The following DRAXIN variants were observed in gnomAD, a reference collection of about 807,000 sequenced individuals.
The protein encoded by DRAXIN is dorsal inhibitory axon guidance protein.
Under a neutral mutation model 33.9 loss-of-function variants are expected in DRAXIN, and 27 were observed. That is an observed-to-expected ratio of 0.80 (90% CI 0.59 to 1.10). The LOEUF (loss-of-function observed/expected upper bound fraction) is 1.10. Among genes scored for constraint, DRAXIN ranks in the 50% least tolerant of loss-of-function variants. The probability of loss-of-function intolerance (pLI) is 0.00; values close to 1 mark genes in which losing one functional copy is unlikely to be tolerated. For missense variants in DRAXIN, 371 were observed against 460.8 expected (o/e 0.81, Z 1.78); for synonymous variants, 178 against 194.0 (o/e 0.92, Z 0.69).
rs1348449530 is a variant in DRAXIN at position 11,706,056 on chromosome 1, G to A, written c.-10-193G>A. ...TGTCGGGCGTTTAGCAGCATCCACG[G>A]GCTCCAACCTCTACCTGCCAGTAGC... On this transcript the variant is annotated intron_variant, in intron 1 of 6. Coordinates refer to ENST00000294485, the MANE Select transcript of DRAXIN (RefSeq NM_198545.4). The surrounding 1 kb of genome is among the most constrained non-coding windows in gnomAD (Gnocchi z 5.5). Among the ~76,000 whole-genome samples the A allele has an allele frequency of 6.6e-6, 1 of 152,132 alleles. No homozygotes were observed. Among genetic ancestry groups the A allele is most frequent in the East Asian group, 1.9e-4 (1 of 5,200 alleles).
At chr1:11,702,311 C>T (rs1432324610) in intron 1 of DRAXIN, among the ~76,000 whole-genome samples, 1 of 151,432 alleles carries the variant, frequency 6.6e-6, no homozygotes, top group African/African-American at 2.4e-5. Context: ...ACAGCACACA[C>T]ACACGCTCAC....
At chr1:11,715,635 G>C (rs997912520) in intron 6 of DRAXIN, among the ~76,000 whole-genome samples, 1 of 151,044 alleles carries the variant, frequency 6.6e-6, no homozygotes, top group Non-Finnish European at 1.5e-5. Flanking sequence ...GTGGGGGTGG[G>C]TTTCCCAGCA....
upstream of DRAXIN, among the ~76,000 whole-genome samples, chr1:11,690,450 A>C (rs1303918228): frequency 2.6e-5 from 4 of 152,178 alleles, no homozygotes; most frequent in East Asian, 7.7e-4. The surrounding 1 kb of genome is among the most constrained non-coding windows in gnomAD (Gnocchi z 4.2). Context: ...AGGGCACTGC[A>C]TTCACGCCTA....
At chr1:11,695,613 T>C (rs201372640) in intron 1 of DRAXIN, among the ~76,000 whole-genome samples, 1 of 104,282 alleles carries the variant, frequency 9.6e-6, no homozygotes, top group African/African-American at 3.6e-5. Context: ...AAAAAAAAAA[T>C]ATATATATAT....
rs1641091065 is a variant in DRAXIN, at chr1:11,692,441, G to A, written c.-11+588G>A. The stretch of plus-strand genomic sequence containing the variant: ...CCAGCACCGCCGGTGGCCCCGCGCC[G>A]TCCCATCTGTGCCCAGGAAGGTACT... On this transcript the variant is annotated intron_variant, in intron 1 of 6. Transcript: ENST00000294485. The surrounding 1 kb of genome is among the most constrained non-coding windows in gnomAD (Gnocchi z 5.8). Among the ~76,000 whole-genome samples, 1 of 152,190 alleles carries A rather than the reference G, an allele frequency of 6.6e-6. No individual in the cohort carries two copies. Among genetic ancestry groups the A allele is most frequent in the South Asian group, 2.1e-4 (1 of 4,830 alleles).
rs1641732966 is a variant in DRAXIN at position 11,725,498 on chromosome 1, A to G, written c.*5802A>G. Reference sequence around the variant, plus strand: ...CTAGGATACGACGGGGAAAACAGAAATGTGGGGTGGTCAGGGACATTCGGA... The same window carrying G: ...CTAGGATACGACGGGGAAAACAGAAGTGTGGGGTGGTCAGGGACATTCGGA... On this transcript the variant is annotated 3_prime_UTR_variant, in exon 7 of 7. Transcript: ENST00000294485. 1 of 152,180 alleles carries G rather than the reference A, an allele frequency of 6.6e-6. No homozygotes were observed. The highest frequency in any genetic ancestry group is 2.4e-5 in the African/African-American group (1 of 41,446). 9.4% of individuals were successfully genotyped at this position (152,180 alleles called of 1,614,324 possible). A position where few individuals can be genotyped will look rare whatever the true frequency, so the allele number is the denominator to read the frequency against.
chr1:11,687,681 T>A (rs1305752522), upstream of DRAXIN, among the ~76,000 whole-genome samples: 1 of 152,248 alleles, frequency 6.6e-6, no homozygotes, highest in Non-Finnish European at 1.5e-5. This position sits in a 1 kb window ranked among gnomAD's most constrained non-coding sequence, Gnocchi z 4.1. Context: ...TGACCTGGAC[T>A]TGCCAATACG....
At chr1:11,700,644 G>T (rs765276284) in intron 1 of DRAXIN, among the ~76,000 whole-genome samples, 68 of 152,242 alleles carry the variant, frequency 4.5e-4, no homozygotes, top group Non-Finnish European at 9.3e-4. Flanking sequence ...ACAGTCGCAC[G>T]AATTTGTCGC....
At chr1:11,690,256 T>C (rs574929261), upstream of DRAXIN, among the ~76,000 whole-genome samples, 1 of 152,240 alleles carries the variant, frequency 6.6e-6, no homozygotes, top group South Asian at 2.1e-4. The surrounding 1 kb of genome is among the most constrained non-coding windows in gnomAD (Gnocchi z 4.2). Context: ...TGCCGGCACA[T>C]AGTAGGTGTT....
intron 1 of DRAXIN, among the ~76,000 whole-genome samples, chr1:11,702,069 C>T (rs1259751340): frequency 6.9e-6 from 1 of 145,800 alleles, no homozygotes; most frequent in East Asian, 2.0e-4. Flanking sequence ...CACACATACG[C>T]TCACACATGC....
At chr1:11,712,029 A>G (rs1487662007) in intron 4 of DRAXIN, 64 bp downstream of exon 4, 2 of 1,510,968 alleles carry the variant, frequency 1.3e-6, no homozygotes, top group Non-Finnish European at 1.8e-6. Flanking sequence ...CCATCTGTTG[A>G]GGTGGGGGCC....
chr1:11,719,339 G>T (rs934769628), intron 6 of DRAXIN, among the ~76,000 whole-genome samples: 1 of 152,208 alleles, frequency 6.6e-6, no homozygotes, highest in Non-Finnish European at 1.5e-5. Context: ...CCACCATTAC[G>T]TGTCACACAG....
chr1:11,703,867 C>T (rs537367961), intron 1 of DRAXIN, among the ~76,000 whole-genome samples: 237 of 152,134 alleles, frequency 1.6e-3, no homozygotes, highest in Middle Eastern at 6.8e-3. Flanking sequence ...GTCGTGGCAA[C>T]GGAGCTTGGG....
chr1:11,723,885 G>T lies in DRAXIN; in HGVS notation c.*4189G>T, dbSNP rs1309635378. The T allele has an allele frequency of 6.6e-6, 1 of 152,226 alleles. No homozygotes were observed. The highest frequency in any genetic ancestry group is 1.5e-5 in the Non-Finnish European group (1 of 68,058). 9.4% of individuals were successfully genotyped at this position (152,226 alleles called of 1,614,324 possible). A position where few individuals can be genotyped will look rare whatever the true frequency, so the allele number is the denominator to read the frequency against. ...TGGGATTACAGGCATGAGCCAGCAT[G>T]CCTGGCCTGTGAACGCAGAATTCTT... On this transcript the variant is annotated 3_prime_UTR_variant, in exon 7 of 7. Coordinates refer to ENST00000294485, the MANE Select transcript of DRAXIN (RefSeq NM_198545.4).
At chr1:11,715,379 G>T (rs112930516) in intron 6 of DRAXIN, among the ~76,000 whole-genome samples, 171 bp downstream of exon 6, 117 of 152,366 alleles carry the variant, frequency 7.7e-4, no homozygotes, top group African/African-American at 2.8e-3. Flanking sequence ...CCGAAGACGT[G>T]AGCAAGAACA....
intron 1 of DRAXIN, among the ~76,000 whole-genome samples, chr1:11,699,515 A>G (rs1196457566): frequency 6.6e-6 from 1 of 152,060 alleles, no homozygotes; most frequent in Admixed American, 6.6e-5. Context: ...TTTTTTAGAG[A>G]CAGGGACTTA....
At chr1:11,709,558 G>T in intron 3 of DRAXIN, 93 bp downstream of exon 3, 1 of 1,371,548 alleles carries the variant, frequency 7.3e-7, no homozygotes. Context: ...ACTGAGGCAC[G>T]GGGGCAGGAG....
At chr1:11,713,275 C>G (rs12567844) in intron 5 of DRAXIN, among the ~76,000 whole-genome samples, 51,119 of 151,990 alleles carry the variant, frequency 0.34, 9,004 homozygotes, top group East Asian at 0.53. Context: ...GCTGTCTTGC[C>G]CAAGGTCACA....
intron 1 of DRAXIN, among the ~76,000 whole-genome samples, chr1:11,693,072 C>T (rs965859906): frequency 6.6e-6 from 1 of 152,032 alleles, no homozygotes; most frequent in Non-Finnish European, 1.5e-5. Flanking sequence ...CAGCCTCTTC[C>T]CCCATCACAC....
Sources: gnomAD v4.1 joint callset for allele counts (sites outside exome capture counted in the v4.1 genomes callset) on GRCh38, gnomAD v4.1.1 for gene constraint, Gnocchi (gnomAD v3.1) non-coding constraint, MANE v1.5 for transcripts, NCBI Gene and HGNC (gene_info 2026-07-23, HGNC 2026-07-21) for gene names.